Variants in SPOCK1 observed in about 807,000 individuals in gnomAD.
SPOCK1 encodes the protein SPARC (osteonectin), cwcv and kazal like domains proteoglycan 1.
SPOCK1 carries 23 observed loss-of-function variants against 55.3 expected under a neutral mutation model. That is an observed-to-expected ratio of 0.42 (90% CI 0.30 to 0.59). SPOCK1 has a LOEUF of 0.59. Among genes scored for constraint, SPOCK1 ranks in the 20% least tolerant of loss-of-function variants. The pLI is 0.22. For missense variants in SPOCK1, 499 were observed against 552.5 expected (o/e 0.90, Z 0.97); for synonymous variants, 226 against 221.0 (o/e 1.02, Z -0.20).
chr5:137,272,847 C>T (rs1201752935), intron 2 of SPOCK1, among the ~76,000 whole-genome samples: 2 of 151,232 alleles, frequency 1.3e-5, no homozygotes, highest in African/African-American at 2.4e-5. Flanking sequence ...TAAATCCTTG[C>T]TAAATCACAT....
chr5:137,495,551 T>G (rs140964032), intron 2 of SPOCK1, among the ~76,000 whole-genome samples: 1 of 152,360 alleles, frequency 6.6e-6, no homozygotes, highest in African/African-American at 2.4e-5. Flanking sequence ...ATAACAATAA[T>G]TGTGGGACAC....
rs145376509 is a variant in SPOCK1, at chr5:137,036,703, G to A, written c.589+31012C>T. Among the ~76,000 whole-genome samples the A allele has an allele frequency of 2.2e-3, 338 of 152,362 alleles. 4 individuals carry two copies. The highest frequency in any genetic ancestry group is 6.9e-3 in the African/African-American group (286 of 41,588). ...TTTTACAGGACGGTAAGGCCGGAAT[G>A]TGATGGGAGGGAGGCCCCTCCACCT... On this transcript the variant is annotated intron_variant, in intron 6 of 10. Coordinates refer to ENST00000394945, the MANE Select transcript of SPOCK1 (RefSeq NM_004598.4).
intron 2 of SPOCK1, among the ~76,000 whole-genome samples, chr5:137,497,466 C>T (rs1255644938): frequency 3.9e-5 from 6 of 152,160 alleles, no homozygotes; most frequent in Admixed American, 1.3e-4. Flanking sequence ...ATGGTACTCC[C>T]AAGTCCCCTA....
intron 3 of SPOCK1, among the ~76,000 whole-genome samples, chr5:137,151,579 A>G (rs1446148488): frequency 6.6e-6 from 1 of 152,236 alleles, no homozygotes; most frequent in Non-Finnish European, 1.5e-5. Context: ...ATGTACACAC[A>G]AAGAACTCTC....
chr5:137,219,482 C>A (rs1192603574), intron 3 of SPOCK1, among the ~76,000 whole-genome samples: 1 of 152,158 alleles, frequency 6.6e-6, no homozygotes, highest in East Asian at 1.9e-4. Context: ...AAAGGGGATT[C>A]ATTATTCCAG....
chr5:137,257,722 T>A (rs376076171), intron 3 of SPOCK1, among the ~76,000 whole-genome samples: 53 of 152,314 alleles, frequency 3.5e-4, no homozygotes, highest in African/African-American at 1.2e-3. Context: ...CCTCCAAACA[T>A]CTGCCCATCT....
intron 6 of SPOCK1, among the ~76,000 whole-genome samples, chr5:137,004,699 A>G (rs1041928718): frequency 2.0e-5 from 3 of 151,968 alleles, no homozygotes; most frequent in African/African-American, 4.8e-5. Flanking sequence ...TGTACCCAGG[A>G]AAAAAAACCT....
intron 2 of SPOCK1, among the ~76,000 whole-genome samples, chr5:137,395,591 C>T (rs1751826244): frequency 6.6e-6 from 1 of 152,190 alleles, no homozygotes; most frequent in Admixed American, 6.5e-5. Context: ...CTAACATAAT[C>T]ACCCAGCTAC....
chr5:137,439,063 T>C (rs1448888226), intron 2 of SPOCK1, among the ~76,000 whole-genome samples: 4 of 152,146 alleles, frequency 2.6e-5, no homozygotes, highest in Non-Finnish European at 5.9e-5. Context: ...GAGTTTCAGT[T>C]TCCTTATTTG....
At chr5:137,248,243 A>C (rs1756435930) in intron 3 of SPOCK1, among the ~76,000 whole-genome samples, 1 of 152,218 alleles carries the variant, frequency 6.6e-6, no homozygotes, top group Non-Finnish European at 1.5e-5. Flanking sequence ...ATAGCATCTT[A>C]ATCTTTACAC....
chr5:137,070,039 C>T (rs1467130454), intron 5 of SPOCK1, among the ~76,000 whole-genome samples: 1 of 152,138 alleles, frequency 6.6e-6, no homozygotes, highest in African/African-American at 2.4e-5. Flanking sequence ...GTCAACTTTC[C>T]CACCAGGTCT....
chr5:137,287,659 G>A (rs1250539482), intron 2 of SPOCK1, among the ~76,000 whole-genome samples: 1 of 152,206 alleles, frequency 6.6e-6, no homozygotes, highest in Non-Finnish European at 1.5e-5. Flanking sequence ...AGACACTAGT[G>A]AAGAGAGAAA....
intron 4 of SPOCK1, among the ~76,000 whole-genome samples, chr5:137,133,701 A>C (rs1267761127): frequency 6.6e-6 from 1 of 152,220 alleles, no homozygotes; most frequent in East Asian, 1.9e-4. Context: ...CTGTTTAAAA[A>C]AAAGAGAGAG....
rs1256119815 is a variant in SPOCK1, at chr5:136,985,214, T to C, written c.929-12A>G. ...CTGGCAAGGGAGACCTAAAAAATAA[T>C]TTCTGAAAGTCAGCTTCCAGATGGT... On this transcript the variant is annotated splice_polypyrimidine_tract_variant and intron_variant, in intron 8 of 10. Transcript: ENST00000394945. 6.2e-7 allele frequency: 1 copy of C among 1,613,762 alleles called. No individual in the cohort carries two copies. The highest frequency in any genetic ancestry group is 8.5e-7 in the Non-Finnish European group (1 of 1,179,644).
Position 137,149,031 on chromosome 5 carries a change from T to C in SPOCK1, c.233-8337A>G, listed in dbSNP as rs546498060. ...TGAGCTATCAGAAATCAAAGCCAAA[T>C]TGCTGGCTATCTTAATAAGCTTGTA... is the stretch of plus-strand genomic sequence containing the variant. On this transcript the variant is annotated intron_variant, in intron 3 of 10. Coordinates refer to ENST00000394945, the MANE Select transcript of SPOCK1 (RefSeq NM_004598.4). Among the ~76,000 whole-genome samples the C allele has an allele frequency of 5.9e-5, 9 of 152,312 alleles. No homozygotes were observed. In the East Asian group the frequency reaches 1.5e-3, roughly 26 times the overall value.
At chr5:137,300,913 C>T (rs1231800461) in intron 2 of SPOCK1, among the ~76,000 whole-genome samples, 1 of 152,198 alleles carries the variant, frequency 6.6e-6, no homozygotes, top group Non-Finnish European at 1.5e-5. Context: ...GCTCTCTTCT[C>T]ACAAGGGTCC....
chr5:137,322,864 G>T (rs1385999872), intron 2 of SPOCK1, among the ~76,000 whole-genome samples: 1 of 152,130 alleles, frequency 6.6e-6, no homozygotes, highest in East Asian at 1.9e-4. Flanking sequence ...CTGGAGGCTG[G>T]CAAGTCCAAC....
At chr5:137,328,599 C>T (rs1291694578) in intron 2 of SPOCK1, among the ~76,000 whole-genome samples, 1 of 152,210 alleles carries the variant, frequency 6.6e-6, no homozygotes, top group Non-Finnish European at 1.5e-5. Context: ...GCTCTAACAG[C>T]AGCCAGTGTG....
intron 3 of SPOCK1, among the ~76,000 whole-genome samples, chr5:137,250,672 G>A (rs1008688950): frequency 5.3e-5 from 8 of 149,540 alleles, no homozygotes; most frequent in South Asian, 2.1e-4. Context: ...GAGGACACAC[G>A]GATGGCTTCA....
Sources: allele counts gnomAD v4.1 joint callset (sites outside exome capture counted in the v4.1 genomes callset), GRCh38; gene constraint gnomAD v4.1.1; transcripts MANE v1.5; gene names NCBI Gene and HGNC (gene_info 2026-07-23, HGNC 2026-07-21).